Variants in KCNK12 observed in about 807,000 individuals in gnomAD.
KCNK12 encodes potassium two pore domain channel subfamily K member 12.
In KCNK12, 6 loss-of-function variants were observed where a neutral mutation model predicts 25.3. The ratio of observed to expected loss-of-function variants is 0.24; its 90% CI spans 0.13 to 0.47. The LOEUF (loss-of-function observed/expected upper bound fraction) is 0.47. Ranked by LOEUF, KCNK12 falls within the 20% of genes least tolerant of loss-of-function variation. KCNK12 has a pLI of 0.99. For synonymous variants in KCNK12, 331 were observed against 311.1 expected (o/e 1.06, Z -0.67); for missense variants, 444 against 661.7 (o/e 0.67, Z 3.61).
intron 1 of KCNK12, among the ~76,000 whole-genome samples, chr2:47,559,754 G>C (rs1417555041): frequency 6.6e-6 from 1 of 152,202 alleles, no homozygotes; most frequent in Non-Finnish European, 1.5e-5. Context: ...GGGGAAGCTG[G>C]CATAGAAACA....
Position 47,512,324 on chromosome 2 carries a change from A to G in KCNK12, c.*8583T>C. 1 of 1,612,690 alleles carries G rather than the reference A, an allele frequency of 6.2e-7. No individual in the cohort carries two copies. Among genetic ancestry groups the G allele is most frequent in the Non-Finnish European group, 8.5e-7 (1 of 1,179,820 alleles). On this transcript the variant is annotated 3_prime_UTR_variant, in exon 2 of 2. Coordinates refer to ENST00000327876, the MANE Select transcript of KCNK12 (RefSeq NM_022055.2). ...TCAGAACCTCAGAGTGACAGAGCCA[A>G]AAGACCAGTGCCTCATTTTGCTGAC...
chr2:47,512,410 C>T lies in KCNK12; in HGVS notation c.*8497G>A. ...CTTGCAGTCGGCCAGAGAGACAGAACCAGGGCAGTGGTGAGCTCTCATGAC... is the reference window on the plus strand; with the variant it reads ...CTTGCAGTCGGCCAGAGAGACAGAATCAGGGCAGTGGTGAGCTCTCATGAC... On this transcript the variant is annotated 3_prime_UTR_variant, in exon 2 of 2. Transcript: ENST00000327876. The T allele has an allele frequency of 6.2e-7, 1 of 1,610,792 alleles. No individual in the cohort carries two copies. Among genetic ancestry groups the T allele is most frequent in the Non-Finnish European group, 8.5e-7 (1 of 1,178,994 alleles).
chr2:47,516,101 G>A lies in KCNK12; in HGVS notation c.*4806C>T, dbSNP rs975035173. Among the ~76,000 whole-genome samples the A allele has an allele frequency of 2.0e-5, 3 of 152,178 alleles. No individual in the cohort carries two copies. Among genetic ancestry groups the A allele is most frequent in the African/African-American group, 7.2e-5 (3 of 41,424 alleles). On this transcript the variant is annotated 3_prime_UTR_variant, in exon 2 of 2. Transcript: ENST00000327876. The stretch of plus-strand genomic sequence containing the variant: ...ATCAGAGTGAGCTAAATGACTGCCA[G>A]ATCCAAAACTAGAATTCAGACCTCC...
intron 1 of KCNK12, among the ~76,000 whole-genome samples, chr2:47,554,935 T>C (rs1022208668): frequency 2.0e-5 from 3 of 151,980 alleles, no homozygotes; most frequent in African/African-American, 2.4e-5. Flanking sequence ...TATGAAAGTT[T>C]AGGAAAAAAA....
In KCNK12 at chr2:47,557,298, G is replaced by A. The variant is rs1463068826; in HGVS notation, c.391+12643C>T. Among the ~76,000 whole-genome samples the A allele has an allele frequency of 6.6e-6, 1 of 152,198 alleles. No homozygotes were observed. Among genetic ancestry groups the A allele is most frequent in the Non-Finnish European group, 1.5e-5 (1 of 68,046 alleles). ...GGGAGTGGGCTCCTGATAAAAGGAT[G>A]AGTTTGGGCTGATTCTGTCCTGCAC... On this transcript the variant is annotated intron_variant, in intron 1 of 1. Coordinates refer to ENST00000327876, the MANE Select transcript of KCNK12 (RefSeq NM_022055.2). This position sits in a 1 kb window ranked among gnomAD's most constrained non-coding sequence, Gnocchi z 4.9.
At position 47,512,004 on chromosome 2, in the gene KCNK12, T is replaced by G. The variant is rs1333323375; in HGVS notation, c.*8903A>C. ...CTGGAGAATGGTACTTTACTTGTCC[T>G]TGGGGAAGCAGAAACAAATGAAAAC... On this transcript the variant is annotated 3_prime_UTR_variant, in exon 2 of 2. Transcript: ENST00000327876. 6.6e-6 allele frequency among the ~76,000 whole-genome samples: 1 copy of G among 152,176 alleles called. No homozygotes were observed. The highest frequency in any genetic ancestry group is 1.5e-5 in the Non-Finnish European group (1 of 68,022).
intron 1 of KCNK12, among the ~76,000 whole-genome samples, chr2:47,534,648 G>T (rs1487188746): frequency 6.6e-6 from 1 of 151,634 alleles, no homozygotes; most frequent in Non-Finnish European, 1.5e-5. Flanking sequence ...CCGGAGTGAG[G>T]AGCAATGAGA....
chr2:47,539,078 C>CA (rs921316644), intron 1 of KCNK12, among the ~76,000 whole-genome samples: 1 of 152,148 alleles, frequency 6.6e-6, no homozygotes, highest in African/African-American at 2.4e-5. Flanking sequence ...CAATGTGGAG[C>CA]AAATTTTTTG....
chr2:47,567,931 G>A, intron 1 of KCNK12, among the ~76,000 whole-genome samples: 1 of 152,242 alleles, frequency 6.6e-6, no homozygotes, highest in South Asian at 2.1e-4. Flanking sequence ...ACTGCTGAAA[G>A]AGAAGCTTTA....
intron 1 of KCNK12, among the ~76,000 whole-genome samples, chr2:47,559,271 A>G (rs769079049): frequency 4.6e-5 from 7 of 152,306 alleles, no homozygotes; most frequent in Middle Eastern, 3.4e-3. Context: ...CCACTGAGAG[A>G]GCATTAAAGC....
rs561442779 is a variant in KCNK12 at position 47,510,629 on chromosome 2, G to A, written c.*10278C>T. Among the ~76,000 whole-genome samples, 4 of 152,256 alleles carry A rather than the reference G, an allele frequency of 2.6e-5. No individual in the cohort carries two copies. Among genetic ancestry groups the A allele is most frequent in the East Asian group, 1.9e-4 (1 of 5,188 alleles). On this transcript the variant is annotated 3_prime_UTR_variant, in exon 2 of 2. Transcript: ENST00000327876. ...GCTATGAATATGACCAACTCTCGTC[G>A]TTTATCTCTATTCAGTGGAACACAG...
intron 1 of KCNK12, chr2:47,527,445 G>C (rs1023361357): frequency 6.6e-6 from 1 of 152,396 alleles, no homozygotes. Flanking sequence ...ACAGCGCGAG[G>C]AATGAGGTGC....
At chr2:47,542,848 C>T (rs1022859959) in intron 1 of KCNK12, among the ~76,000 whole-genome samples, 1 of 152,236 alleles carries the variant, frequency 6.6e-6, no homozygotes. Context: ...CTAGTGAAAA[C>T]ACATTTTATA....
rs894934286 is a variant in KCNK12 at position 47,556,292 on chromosome 2, G to A, written c.391+13649C>T. On this transcript the variant is annotated intron_variant, in intron 1 of 1. Transcript: ENST00000327876. This position sits in a 1 kb window ranked among gnomAD's most constrained non-coding sequence, Gnocchi z 4.8. ...CCCAGTGAAGCTGGCATTTGTAAGTGGGCACTTCATCCACTGCCACAGGAG... is the reference window on the plus strand; with the variant it reads ...CCCAGTGAAGCTGGCATTTGTAAGTAGGCACTTCATCCACTGCCACAGGAG... Among the ~76,000 whole-genome samples, 5 of 152,218 alleles carry A rather than the reference G, an allele frequency of 3.3e-5. No homozygotes were observed. The East Asian group carries it at 9.6e-4, about 29-fold the overall frequency.
At position 47,509,621 on chromosome 2, in the gene KCNK12, G is replaced by A. The variant is rs1053710593; in HGVS notation, c.*11286C>T. On this transcript the variant is annotated 3_prime_UTR_variant, in exon 2 of 2. Transcript: ENST00000327876. ...CATGACGTGCTGGAGTCACGATTCT[G>A]TCACCCAGTCAGGTCATCAGTGTCA... is the stretch of plus-strand genomic sequence containing the variant. Among the ~76,000 whole-genome samples the A allele has an allele frequency of 4.6e-5, 7 of 152,238 alleles. No individual in the cohort carries two copies. Among genetic ancestry groups the A allele is most frequent in the Non-Finnish European group, 8.8e-5 (6 of 68,042 alleles).
chr2:47,551,898 C>T lies in KCNK12; in HGVS notation c.391+18043G>A, dbSNP rs529691218. ...CTGGAAACATTACAAGGGAGTAGAGCCAGGGCCTTGTAGATACTGGCTCAT... is the reference window on the plus strand; with the variant it reads ...CTGGAAACATTACAAGGGAGTAGAGTCAGGGCCTTGTAGATACTGGCTCAT... On this transcript the variant is annotated intron_variant, in intron 1 of 1. Coordinates refer to ENST00000327876, the MANE Select transcript of KCNK12 (RefSeq NM_022055.2). This position sits in a 1 kb window ranked among gnomAD's most constrained non-coding sequence, Gnocchi z 5.3. Among the ~76,000 whole-genome samples the T allele has an allele frequency of 3.3e-5, 5 of 152,232 alleles. No homozygotes were observed. In the East Asian group the frequency reaches 7.7e-4, roughly 24 times the overall value.
rs1011005752 is a variant in KCNK12 at position 47,519,106 on chromosome 2, C to T, written c.*1801G>A. The T allele has an allele frequency of 2.6e-5, 4 of 152,194 alleles. No individual in the cohort carries two copies. The highest frequency in any genetic ancestry group is 3.9e-4 in the East Asian group (2 of 5,188). 9.4% of individuals were successfully genotyped at this position (152,194 alleles called of 1,614,324 possible). ...CAAGACTGACGTCTCTCCTGGCCAG[C>T]GCTGCTTCACTGGCTTCACCCCAGA... On this transcript the variant is annotated 3_prime_UTR_variant, in exon 2 of 2. Coordinates refer to ENST00000327876, the MANE Select transcript of KCNK12 (RefSeq NM_022055.2).
At position 47,570,437 on chromosome 2, in the gene KCNK12, G is replaced by C; in HGVS notation, c.-106C>G. 1 of 1,119,804 alleles carries C rather than the reference G, an allele frequency of 8.9e-7. No homozygotes were observed. Among genetic ancestry groups the C allele is most frequent in the South Asian group, 4.4e-5 (1 of 22,506 alleles). 69.4% of individuals were successfully genotyped at this position (1,119,804 alleles called of 1,614,324 possible). A position where few individuals can be genotyped will look rare whatever the true frequency, so the allele number is the denominator to read the frequency against. On this transcript the variant is annotated 5_prime_UTR_variant, in exon 1 of 2. Coordinates refer to ENST00000327876, the MANE Select transcript of KCNK12 (RefSeq NM_022055.2). ...GGATGGTGGCCAGGGGTCCGGGGCCGCCGCGGAGCCCCTCGCCGCCTTCGC... is the reference window on the plus strand; with the variant it reads ...GGATGGTGGCCAGGGGTCCGGGGCCCCCGCGGAGCCCCTCGCCGCCTTCGC...
intron 1 of KCNK12, among the ~76,000 whole-genome samples, chr2:47,541,154 C>T (rs1008806767): frequency 6.6e-6 from 1 of 152,162 alleles, no homozygotes; most frequent in Non-Finnish European, 1.5e-5. Flanking sequence ...CTGATACATC[C>T]CTCACCCTTT....
Sources: allele counts gnomAD v4.1 joint callset (sites outside exome capture counted in the v4.1 genomes callset), GRCh38; gene constraint gnomAD v4.1.1; non-coding constraint Gnocchi (gnomAD v3.1); transcripts MANE v1.5; gene names NCBI Gene and HGNC (gene_info 2026-07-23, HGNC 2026-07-21).